Variants in KCNIP4 observed in about 807,000 individuals in gnomAD.
KCNIP4 encodes the protein Kv channel-interacting protein 4.
KCNIP4 carries 12 observed loss-of-function variants against 34.0 expected under a neutral mutation model. The observed-to-expected ratio is 0.35, with a 90% confidence interval of 0.23 to 0.57. The LOEUF (loss-of-function observed/expected upper bound fraction) is 0.57, where lower values mean the gene tolerates loss of function less well. Among genes scored for constraint, KCNIP4 ranks in the 20% least tolerant of loss-of-function variants. The pLI, the probability that KCNIP4 is intolerant of heterozygous loss-of-function variation, is 0.83. For synonymous variants in KCNIP4, 124 were observed against 102.2 expected (o/e 1.21, Z -1.29); for missense variants, 238 against 311.7 (o/e 0.76, Z 1.78).
chr4:20,898,400 T>C (rs1726788771), intron 1 of KCNIP4, among the ~76,000 whole-genome samples: 1 of 152,188 alleles, frequency 6.6e-6, no homozygotes, highest in African/African-American at 2.4e-5. Flanking sequence ...GCTAACCACA[T>C]GACTTATTGT....
chr4:21,655,721 T>G (rs1301954657), intron 1 of KCNIP4, among the ~76,000 whole-genome samples: 2 of 152,216 alleles, frequency 1.3e-5, no homozygotes, highest in African/African-American at 4.8e-5. Flanking sequence ...AGATGGCACA[T>G]CATGCATGCT....
At chr4:20,951,824 C>T (rs1046197735) in intron 1 of KCNIP4, among the ~76,000 whole-genome samples, 1 of 152,168 alleles carries the variant, frequency 6.6e-6, no homozygotes, top group Admixed American at 6.5e-5. Flanking sequence ...AATAGATTTT[C>T]AAAATGACCA....
At chr4:21,361,532 G>T (rs1719221844) in intron 1 of KCNIP4, among the ~76,000 whole-genome samples, 1 of 151,978 alleles carries the variant, frequency 6.6e-6, no homozygotes, top group Non-Finnish European at 1.5e-5. Flanking sequence ...AAAAGGATTT[G>T]TTGACTTGCA....
chr4:21,121,659 G>T (rs376293029), intron 1 of KCNIP4, among the ~76,000 whole-genome samples: 14,795 of 152,084 alleles, frequency 0.097, 889 homozygotes, highest in African/African-American at 0.16. Flanking sequence ...ATTTCTCATT[G>T]GTAAAATACA....
intron 1 of KCNIP4, among the ~76,000 whole-genome samples, chr4:21,474,214 T>A (rs532107959): frequency 7.9e-5 from 12 of 152,312 alleles, no homozygotes; most frequent in South Asian, 2.1e-4. Context: ...GCTGAATTTC[T>A]ACTTAAGAGC....
intron 3 of KCNIP4, among the ~76,000 whole-genome samples, chr4:20,787,305 T>G (rs897700960): frequency 6.6e-6 from 1 of 152,172 alleles, no homozygotes; most frequent in Non-Finnish European, 1.5e-5. Flanking sequence ...CCACCGCAAT[T>G]TATTTTTTAG....
intron 1 of KCNIP4, among the ~76,000 whole-genome samples, chr4:21,065,744 A>ATATATATATATATATATATATG (rs1744311379): frequency 7.0e-6 from 1 of 142,426 alleles, no homozygotes; most frequent in Non-Finnish European, 1.5e-5. Flanking sequence ...ATATATATAT[A>ATATATATATATATATATATATG]TATATATATA....
At chr4:21,449,033 G>T (rs1054965530) in intron 1 of KCNIP4, among the ~76,000 whole-genome samples, 1 of 152,172 alleles carries the variant, frequency 6.6e-6, no homozygotes, top group Non-Finnish European at 1.5e-5. Context: ...TATTCTTCAA[G>T]AAAGAAGAAA....
intron 1 of KCNIP4, among the ~76,000 whole-genome samples, chr4:21,709,120 G>A (rs911527477): frequency 2.6e-5 from 4 of 151,898 alleles, no homozygotes; most frequent in African/African-American, 9.7e-5. Flanking sequence ...CTGTTGTGAG[G>A]TGAGATCCCC....
At chr4:21,915,341 C>T (rs867292199) in intron 1 of KCNIP4, among the ~76,000 whole-genome samples, 5 of 152,126 alleles carry the variant, frequency 3.3e-5, no homozygotes, top group Admixed American at 2.0e-4. Context: ...AGAAGAGGAC[C>T]TAATCTTATT....
chr4:21,099,997 C>T (rs1271549537), intron 1 of KCNIP4, among the ~76,000 whole-genome samples: 1 of 152,112 alleles, frequency 6.6e-6, no homozygotes, highest in African/African-American at 2.4e-5. Flanking sequence ...GAAGTTTCTT[C>T]TTCTGGATGA....
chr4:21,838,576 G>T (rs1274429448), intron 1 of KCNIP4, among the ~76,000 whole-genome samples: 1 of 152,106 alleles, frequency 6.6e-6, no homozygotes, highest in Non-Finnish European at 1.5e-5. Flanking sequence ...ATACATTAAT[G>T]CTATGACCAC....
chr4:21,631,599 C>A (rs1408351822), intron 1 of KCNIP4, among the ~76,000 whole-genome samples: 1 of 152,172 alleles, frequency 6.6e-6, no homozygotes, highest in Non-Finnish European at 1.5e-5. Context: ...ATAGTTTCTG[C>A]AACTCCACGG....
intron 1 of KCNIP4, among the ~76,000 whole-genome samples, chr4:21,553,527 G>A (rs1394145375): frequency 6.6e-6 from 1 of 151,962 alleles, no homozygotes; most frequent in Non-Finnish European, 1.5e-5. Context: ...GCACTTTTCT[G>A]GAAGCCTTTT....
chr4:20,903,239 C>A (rs1370128788), intron 1 of KCNIP4, among the ~76,000 whole-genome samples: 4 of 152,126 alleles, frequency 2.6e-5, no homozygotes, highest in African/African-American at 9.7e-5. Context: ...AGTGAAGTAC[C>A]TTAGTTCCTC....
intron 1 of KCNIP4, among the ~76,000 whole-genome samples, chr4:21,788,814 A>C (rs2323109): frequency 0.11 from 16,781 of 152,002 alleles, 2,738 homozygotes; most frequent in African/African-American, 0.36. Flanking sequence ...GTGGCTCATA[A>C]CTGTAATCCC....
chr4:21,107,593 A>C (rs1748693699), intron 1 of KCNIP4, among the ~76,000 whole-genome samples: 1 of 148,592 alleles, frequency 6.7e-6, no homozygotes, highest in Non-Finnish European at 1.5e-5. Flanking sequence ...CATTTAGTCC[A>C]TTTACATTTA....
chr4:21,544,125 T>C (rs554493989), intron 1 of KCNIP4, among the ~76,000 whole-genome samples: 25 of 152,260 alleles, frequency 1.6e-4, no homozygotes, highest in Middle Eastern at 6.8e-3. Context: ...TCCCAGCTTT[T>C]TGCATGAATA....
chr4:21,136,124 A>C (rs545417532), intron 1 of KCNIP4, among the ~76,000 whole-genome samples: 2 of 152,162 alleles, frequency 1.3e-5, no homozygotes, highest in East Asian at 1.9e-4. Flanking sequence ...ATTTAAAGTA[A>C]TGTCTTAAAT....
Sources: gnomAD v4.1 joint callset for allele counts (sites outside exome capture counted in the v4.1 genomes callset) on GRCh38, gnomAD v4.1.1 for gene constraint, MANE v1.5 for transcripts, NCBI Gene and HGNC (gene_info 2026-07-23, HGNC 2026-07-21) for gene names.